Variants in SLC44A2 observed in about 807,000 individuals in gnomAD.
SLC44A2 encodes the protein choline transporter-like protein 2.
In SLC44A2, 57 loss-of-function variants were observed where a neutral mutation model predicts 90.8. The ratio of observed to expected loss-of-function variants is 0.63; its 90% confidence interval spans 0.51 to 0.78. The LOEUF is 0.78. Among genes scored for constraint, SLC44A2 ranks in the 30% least tolerant of loss-of-function variants. SLC44A2 has a pLI of 0.00. For synonymous variants in SLC44A2, 355 were observed against 360.7 expected (o/e 0.98, Z 0.18); for missense variants, 794 against 919.7 (o/e 0.86, Z 1.77).
chr19:10,602,663 G>A, intron 1 of SLC44A2: 1 of 1,101,996 alleles, frequency 9.1e-7, no homozygotes, highest in Non-Finnish European at 1.1e-6. Flanking sequence ...CGCTGCGGCT[G>A]GATGGCCCTC....
chr19:10,630,633 C>T (rs941316228), intron 4 of SLC44A2, among the ~76,000 whole-genome samples: 1 of 147,660 alleles, frequency 6.8e-6, no homozygotes, highest in African/African-American at 2.5e-5. Context: ...TGCACTCCAG[C>T]CTAGGCAACA....
chr19:10,630,825 G>A (rs1036485157), intron 4 of SLC44A2, among the ~76,000 whole-genome samples: 2 of 150,922 alleles, frequency 1.3e-5, no homozygotes, highest in African/African-American at 2.4e-5. Context: ...CCAACATGGT[G>A]GAAACCCCAT....
intron 1 of SLC44A2, among the ~76,000 whole-genome samples, chr19:10,618,714 C>T (rs1162296813): frequency 1.3e-5 from 2 of 151,920 alleles, no homozygotes; most frequent in Admixed American, 6.6e-5. Flanking sequence ...CTCCTGACCT[C>T]GTGTTCCGGC....
intron 9 of SLC44A2, 36 bp downstream of exon 9, chr19:10,631,987 C>G (rs970567682): frequency 2.5e-6 from 4 of 1,612,392 alleles, no homozygotes; most frequent in Non-Finnish European, 3.4e-6. Context: ...CCCCTGGCTG[C>G]CCCCTCTAAG....
At chr19:10,614,966 G>A (rs1250026048) in intron 1 of SLC44A2, among the ~76,000 whole-genome samples, 47 of 109,814 alleles carry the variant, frequency 4.3e-4, no homozygotes, top group Middle Eastern at 8.3e-3. Context: ...ATGAGACTCC[G>A]TCTCAAAAAA....
intron 1 of SLC44A2, among the ~76,000 whole-genome samples, chr19:10,617,879 C>T (rs931282113): frequency 3.9e-5 from 6 of 152,204 alleles, no homozygotes; most frequent in African/African-American, 1.4e-4. Context: ...TTCCGGTACT[C>T]CCTTGTCTCT....
chr19:10,602,562 G>T lies in SLC44A2; in HGVS notation c.31+1G>T. Reference sequence around the variant, plus strand: ...GACGAGCGGAAAAACGGAGCCTACGGTAGGAGCCGCCTCCGGTCAGGGGCC... The same window carrying T: ...GACGAGCGGAAAAACGGAGCCTACGTTAGGAGCCGCCTCCGGTCAGGGGCC... On this transcript the variant is annotated splice_donor_variant, in intron 1 of 21. Coordinates refer to the SLC44A2 transcript ENST00000407327. LOFTEE classifies it high-confidence loss of function. 1 of 1,274,008 alleles carries T rather than the reference G, an allele frequency of 7.8e-7. No homozygotes were observed. The highest frequency in any genetic ancestry group is 1.0e-6 in the Non-Finnish European group (1 of 1,003,896). The allele number at this position is 1,274,008 out of a possible 1,614,324, so 78.9% of individuals were successfully genotyped here.
At chr19:10,622,430 C>T (rs2066900549), upstream of SLC44A2, among the ~76,000 whole-genome samples, 1 of 152,008 alleles carries the variant, frequency 6.6e-6, no homozygotes, top group South Asian at 2.1e-4. Flanking sequence ...TAGAAAGTGT[C>T]TGTGTTGGTC....
Position 10,635,447 on chromosome 19 carries a change from A to G in SLC44A2, c.1165A>G (p.Asn389Asp). Residue 389 changes from asparagine to aspartate, a missense_variant, in exon 14 of 22, where the codon AAC becomes GAC. Asn to Asp is a conservative substitution (Grantham distance 23). This residue lies in a region of SLC44A2 where 738 missense variants were observed against 841.1 expected (regional missense o/e 0.88). Transcript: ENST00000335757. ...AACCTCCAGCTTCCTGTCCACTTCC[A>G]ACGAAGCGGTCTATAAGATCTTTGA... is the stretch of plus-strand genomic sequence containing the variant. ...ASTAVFLSTS[N>D]EAVYKIFDDS... The G allele has an allele frequency of 6.2e-7, 1 of 1,614,118 alleles. No homozygotes were observed.
At position 10,602,674 on chromosome 19, in the gene SLC44A2, C is replaced by T. The variant is rs539574121; in HGVS notation, c.31+113C>T. 144 of 992,482 alleles carry T rather than the reference C, an allele frequency of 1.5e-4. No homozygotes were observed. The African/African-American group carries it at 2.0e-3, about 14-fold the overall frequency. 61.5% of individuals were successfully genotyped at this position (992,482 alleles called of 1,614,324 possible). A position where few individuals can be genotyped will look rare whatever the true frequency, so the allele number is the denominator to read the frequency against. On this transcript the variant is annotated intron_variant, in intron 1 of 21. Transcript: ENST00000407327. ...CCGGCGCTGCGGCTGGATGGCCCTC[C>T]GCGCTCGGGCCCCCGCATCCGACAC...
chr19:10,642,883 C>T lies in SLC44A2; in HGVS notation c.2015-396C>T, dbSNP rs560728007. The T allele has an allele frequency of 3.7e-5, 59 of 1,577,216 alleles. 1 individual carries two copies. The South Asian group carries it at 5.9e-4, about 16-fold the overall frequency. ...ACCCCATTTTCCCCCTGCCGGTTCC[C>T]GGGGGGAGCCCAGGTGAGGACCTGG... On this transcript the variant is annotated intron_variant, in intron 21 of 21. Transcript: ENST00000335757.
rs3029799 is a variant in SLC44A2 at position 10,618,474 on chromosome 19, CTTT to C, written c.32-7758_32-7756del. On this transcript the variant is annotated intron_variant, in intron 1 of 21. Transcript: ENST00000407327. ...ACAGGTGTAAGCCACTGCGCCCGGC[CTTT>C]TTTTTTTTTTTTTTTTTTTTGAGAC... is the stretch of plus-strand genomic sequence containing the variant. Among the ~76,000 whole-genome samples, 312 of 87,292 alleles carry C rather than the reference CTTT, an allele frequency of 3.6e-3. 1 individual carries two copies. The highest frequency in any genetic ancestry group is 0.014 in the African/African-American group (279 of 20,306). 57.3% of individuals were successfully genotyped at this position (87,292 alleles called of 152,430 possible).
intron 20 of SLC44A2, among the ~76,000 whole-genome samples, 192 bp from the exon 21 acceptor site, chr19:10,642,175 C>T (rs981137365): frequency 4.0e-5 from 6 of 148,192 alleles, no homozygotes; most frequent in South Asian, 2.1e-4. Flanking sequence ...AAAAAAAAGA[C>T]GGAGAGAGAG....
Position 10,636,525 on chromosome 19 carries a change from T to C in SLC44A2, c.1436T>C (p.Leu479Pro), listed in dbSNP as rs900025022. The change falls in exon 15 of 22, where the codon CTG (leucine) becomes CCG (proline). Residue 479 changes from leucine (L) to proline (P), a missense_variant. This residue lies in a region of SLC44A2 where 738 missense variants were observed against 841.1 expected (regional missense o/e 0.88). Coordinates refer to ENST00000335757, the MANE Select transcript of SLC44A2 (RefSeq NM_020428.4). ...AGAFASYYWA[L>P]RKPDDLPAFP... is the part of the protein sequence containing the mutation. ...GCCTTTGCCTCCTACTACTGGGCCC[T>C]GCGCAAGCCGGACGACCTGCCGGCC... is the stretch of plus-strand genomic sequence containing the variant. 2.5e-6 allele frequency: 4 copies of C among 1,610,496 alleles called. No individual in the cohort carries two copies. Among genetic ancestry groups the C allele is most frequent in the Non-Finnish European group, 3.4e-6 (4 of 1,179,644 alleles).
rs546926166 is a variant in SLC44A2, at chr19:10,632,546, A to G, written c.823+390A>G. Among the ~76,000 whole-genome samples the G allele has an allele frequency of 2.7e-3, 403 of 152,068 alleles. 1 individual carries two copies. Among genetic ancestry groups the G allele is most frequent in the African/African-American group, 9.2e-3 (382 of 41,524 alleles). Reference sequence around the variant, plus strand: ...AGCGAAACTCCATCTCAAAAAAAAAAAAAAAAGAAAAAATGTCTCAGCACC... The same window carrying G: ...AGCGAAACTCCATCTCAAAAAAAAAGAAAAAAGAAAAAATGTCTCAGCACC... On this transcript the variant is annotated intron_variant, in intron 10 of 21. Transcript: ENST00000335757.
chr19:10,628,414 G>C (rs187257309), intron 4 of SLC44A2, among the ~76,000 whole-genome samples: 2 of 152,112 alleles, frequency 1.3e-5, no homozygotes, highest in African/African-American at 4.8e-5. Context: ...TTAAGTGGAC[G>C]TGGTGGGGCA....
rs771994535 is a variant in SLC44A2, at chr19:10,626,242, T to A, written c.38-11T>A. On this transcript the variant is annotated splice_polypyrimidine_tract_variant and intron_variant, in intron 1 of 21. Coordinates refer to ENST00000335757, the MANE Select transcript of SLC44A2 (RefSeq NM_020428.4). ...TCCAATCCCATCCATCTTAATCTTC[T>A]TGACTTTCAGGAACGCCACAGAAGT... is the stretch of plus-strand genomic sequence containing the variant. 2 of 1,611,416 alleles carry A rather than the reference T, an allele frequency of 1.2e-6. No individual in the cohort carries two copies. The highest frequency in any genetic ancestry group is 1.7e-6 in the Non-Finnish European group (2 of 1,177,568).
upstream of SLC44A2, among the ~76,000 whole-genome samples, chr19:10,622,187 C>T (rs770970020): frequency 8.5e-5 from 13 of 152,114 alleles, no homozygotes; most frequent in South Asian, 2.1e-4. Context: ...GCCTGCTGAG[C>T]GTGGGACGTA....
At chr19:10,604,814 G>T (rs1339525179) in intron 1 of SLC44A2, among the ~76,000 whole-genome samples, 1 of 152,166 alleles carries the variant, frequency 6.6e-6, no homozygotes, top group Non-Finnish European at 1.5e-5. Context: ...AGCTGATAGA[G>T]AAGCAACCCA....
Sources: allele counts gnomAD v4.1 joint callset (sites outside exome capture counted in the v4.1 genomes callset), GRCh38; gene constraint gnomAD v4.1.1; regional missense constraint gnomAD v4.1.1; transcripts MANE v1.5; gene names NCBI Gene and HGNC (gene_info 2026-07-23, HGNC 2026-07-21).